FRMPD3: variants seen among roughly 807,000 people sequenced by gnomAD.
The protein encoded by FRMPD3 is FERM and PDZ domain containing 3.
A neutral mutation model predicts 97.9 loss-of-function variants in FRMPD3; 42 were observed. The ratio of observed to expected loss-of-function variants is 0.43; its 90% CI spans 0.34 to 0.55. The LOEUF is 0.55. Ranked by LOEUF, FRMPD3 falls within the 20% of genes least tolerant of loss-of-function variation. The pLI, the probability that FRMPD3 is intolerant of heterozygous loss-of-function variation, is 0.03. For synonymous variants in FRMPD3, 577 were observed against 581.1 expected, an observed-to-expected ratio of 0.99 and a Z score of 0.10; for missense variants, 1,303 against 1,457.7, an observed-to-expected ratio of 0.89 and a Z score of 1.73.
chrX:107,497,356 C>G (rs1262851809), intron 1 of FRMPD3, among the ~76,000 whole-genome samples: 3 of 112,929 alleles, frequency 2.7e-5, no homozygotes, highest in Non-Finnish European at 5.6e-5. Context: ...TTTTCATGCT[C>G]AATCCATGGA....
At chrX:107,524,995 CAAAAAAAAAAAAAAA>C (rs750900204) in intron 1 of FRMPD3, among the ~76,000 whole-genome samples, 1 of 13,735 alleles carries the variant, frequency 7.3e-5, no homozygotes, top group Non-Finnish European at 2.1e-4. Flanking sequence ...GACTCCATCT[CAAAAAAAAAAAAAAA>C]AAAAAAAAAA....
intron 5 of FRMPD3, among the ~76,000 whole-genome samples, chrX:107,546,273 A>G (rs1420298936): frequency 8.9e-6 from 1 of 111,798 alleles, no homozygotes; most frequent in Non-Finnish European, 1.9e-5. Flanking sequence ...AAGGCCATGC[A>G]GTGGTGAGTA....
chrX:107,557,683 GTGTGTGTGTGTT>G (rs895673524), intron 8 of FRMPD3, among the ~76,000 whole-genome samples: 1 of 98,861 alleles, frequency 1.0e-5, no homozygotes, highest in African/African-American at 3.8e-5. Context: ...GTGTGTGTGT[GTGTGTGTGTGTT>G]TTTTTTTGCA....
chrX:107,537,170 C>T (rs1015226678), intron 4 of FRMPD3, among the ~76,000 whole-genome samples: 3 of 111,452 alleles, frequency 2.7e-5, no homozygotes, highest in African/African-American at 9.8e-5. Flanking sequence ...CTTACTGCCC[C>T]GTGGACTTTT....
In FRMPD3 at chrX:107,534,894, T is replaced by C. The variant is rs115961766; in HGVS notation, c.297+1344T>C. Among the ~76,000 whole-genome samples the C allele has an allele frequency of 7.2e-3, 811 of 112,482 alleles. 10 individuals are homozygous for C. Among genetic ancestry groups the C allele is most frequent in the African/African-American group, 0.025 (767 of 30,956 alleles). On this transcript the variant is annotated intron_variant, in intron 4 of 14. Transcript: ENST00000683843. ...TGTACACACAATGGTCCCAGGCAGATAGGCCTTTCTCAGTTCCAGTTCTCT... is the reference window on the plus strand; with the variant it reads ...TGTACACACAATGGTCCCAGGCAGACAGGCCTTTCTCAGTTCCAGTTCTCT...
chrX:107,597,962 C>T lies in FRMPD3; in HGVS notation c.2083C>T (p.Arg695Cys), dbSNP rs1271703369. The change falls in exon 14 of 15, where the codon CGC (arginine) becomes TGC (cysteine). Residue 695 changes from arginine (R) to cysteine (C), a missense_variant. Arg to Cys is a radical substitution (Grantham distance 180). Transcript: ENST00000683843. ...RRAVQSQEQG[R>C]HLRGLLYDEI... ...GGCTGTCCAGAGCCAGGAACAAGGA[C>T]GCCACCTGCGTGGGCTTCTGTACGA... 5.0e-6 allele frequency: 6 copies of T among 1,208,789 alleles called. No homozygotes were observed. The highest frequency in any genetic ancestry group is 3.0e-5 in the East Asian group (1 of 33,746).
intron 12 of FRMPD3, among the ~76,000 whole-genome samples, chrX:107,565,716 T>A (rs1922575573): frequency 9.7e-6 from 1 of 103,358 alleles, no homozygotes. Flanking sequence ...ATAAAATAAA[T>A]AAAAAGTAAT....
chrX:107,490,464 C>T (rs773283738), intron 1 of FRMPD3, among the ~76,000 whole-genome samples: 1 of 112,045 alleles, frequency 8.9e-6, no homozygotes, highest in South Asian at 3.8e-4. Flanking sequence ...TCTTCCTACC[C>T]ATGAGCATGG....
intron 13 of FRMPD3, among the ~76,000 whole-genome samples, chrX:107,581,172 G>A (rs1923364761): frequency 9.0e-6 from 1 of 111,080 alleles, no homozygotes; most frequent in African/African-American, 3.3e-5. Context: ...GCAGTGTCAT[G>A]ATCTCGGCTC....
chrX:107,545,542 T>C lies in FRMPD3; in HGVS notation c.298-195T>C, dbSNP rs1921545929. On this transcript the variant is annotated intron_variant, in intron 4 of 14. Transcript: ENST00000683843. ...CCCAAATTCAATTCATGCCCAGCTGTTTCAGAACACACCAATTACATAGGG... is the reference window on the plus strand; with the variant it reads ...CCCAAATTCAATTCATGCCCAGCTGCTTCAGAACACACCAATTACATAGGG... 3.1e-5 allele frequency: 12 copies of C among 387,092 alleles called. No individual in the cohort carries two copies. In the South Asian group the frequency reaches 5.6e-4, roughly 18 times the overall value. 31.9% of individuals were successfully genotyped at this position (387,092 alleles called of 1,213,427 possible). A position where few individuals can be genotyped will look rare whatever the true frequency, so the allele number is the denominator to read the frequency against.
chrX:107,533,754 C>T (rs1923092580), intron 4 of FRMPD3, among the ~76,000 whole-genome samples: 2 of 112,177 alleles, frequency 1.8e-5, no homozygotes, highest in Admixed American at 1.9e-4. Flanking sequence ...AAGGGCTGTG[C>T]TGTGCTGTGT....
At position 107,600,989 on chromosome X, in the gene FRMPD3, G is replaced by A. The variant is rs770713835; in HGVS notation, c.2950G>A (p.Glu984Lys). The A allele has an allele frequency of 5.0e-6, 6 of 1,206,051 alleles. No individual in the cohort carries two copies. Among genetic ancestry groups the A allele is most frequent in the Admixed American group, 4.4e-5 (2 of 45,468 alleles). ...GALGNPPSRG[E>K]RRLEASMGRP... ...TTTGGGGAACCCCCCCAGCAGGGGT[G>A]AGAGAAGGCTGGAGGCCAGCATGGG... The change falls in exon 15 of 15, where the codon GAG becomes AAG. Residue 984 changes from glutamate (E) to lysine (K), a missense_variant. Glu to Lys is a moderately conservative substitution (Grantham distance 56, BLOSUM62 1). Transcript: ENST00000683843.
intron 12 of FRMPD3, among the ~76,000 whole-genome samples, chrX:107,575,476 A>G (rs1923067143): frequency 9.1e-6 from 1 of 109,449 alleles, no homozygotes; most frequent in Non-Finnish European, 1.9e-5. Context: ...TTTTAGACGA[A>G]GTCTCACTCT....
At chrX:107,464,341 T>G (rs1269137882) in intron 1 of FRMPD3, among the ~76,000 whole-genome samples, 1 of 111,062 alleles carries the variant, frequency 9.0e-6, no homozygotes, top group Non-Finnish European at 1.9e-5. Flanking sequence ...TTATTTTATT[T>G]CATTTATTTA....
chrX:107,568,911 G>A, intron 12 of FRMPD3, among the ~76,000 whole-genome samples: 1 of 88,421 alleles, frequency 1.1e-5, no homozygotes, highest in Non-Finnish European at 1.9e-5. Context: ...ATGAAAGAGA[G>A]AGAGAGAGAG....
intron 1 of FRMPD3, among the ~76,000 whole-genome samples, chrX:107,477,491 T>C (rs998560604): frequency 2.7e-5 from 3 of 112,618 alleles, no homozygotes; most frequent in African/African-American, 9.7e-5. Flanking sequence ...AATGATAAAC[T>C]ATGAATTTTA....
Position 107,601,022 on chromosome X carries a change from G to A in FRMPD3, c.2983G>A (p.Glu995Lys), listed in dbSNP as rs1924479077. Residue 995 changes from glutamate (E) to lysine (K), a missense_variant, in exon 15 of 15, where the codon GAG becomes AAG. Coordinates refer to ENST00000683843, the MANE Select transcript of FRMPD3 (RefSeq NM_001388459.1). ...GCTGGAGGCCAGCATGGGGAGGCCA[G>A]AGGTTAGCATGATGAGCAGCAGTGC... ...RRLEASMGRP[E>K]VSMMSSSASK... 8.3e-7 allele frequency: 1 copy of A among 1,206,711 alleles called. No homozygotes were observed. Among genetic ancestry groups the A allele is most frequent in the Non-Finnish European group, 1.1e-6 (1 of 893,295 alleles).
At chrX:107,502,702 G>C (rs936356018) in intron 1 of FRMPD3, among the ~76,000 whole-genome samples, 2 of 112,502 alleles carry the variant, frequency 1.8e-5, no homozygotes, top group East Asian at 5.6e-4. Context: ...AAAAGCCCTT[G>C]ACAAATCTTC....
intron 2 of FRMPD3, among the ~76,000 whole-genome samples, chrX:107,529,236 C>T (rs1356765750): frequency 9.0e-6 from 1 of 111,669 alleles, no homozygotes; most frequent in Non-Finnish European, 1.9e-5. Flanking sequence ...ACCCTTTGCC[C>T]CAACCAAGAA....
Sources: gnomAD v4.1 joint callset for allele counts (sites outside exome capture counted in the v4.1 genomes callset) on GRCh38, gnomAD v4.1.1 for gene constraint, MANE v1.5 for transcripts, NCBI Gene and HGNC (gene_info 2026-07-23, HGNC 2026-07-21) for gene names.